CLDN2: variants seen among roughly 807,000 people sequenced by gnomAD.
The protein encoded by CLDN2 is claudin 2, also known as claudin-2.
A neutral mutation model predicts 8.2 loss-of-function variants in CLDN2; 1 was observed. That is an observed-to-expected ratio of 0.12 (90% CI 0.04 to 0.58). CLDN2 has a LOEUF of 0.58. Ranked by LOEUF, CLDN2 falls within the 20% of genes least tolerant of loss-of-function variation. The probability of loss-of-function intolerance (pLI) is 0.90; values close to 1 mark genes in which losing one functional copy is unlikely to be tolerated. For synonymous variants in CLDN2, 70 were observed against 70.2 expected (o/e 1.00, Z 0.01); for missense variants, 108 against 172.9 (o/e 0.62, Z 2.11).
chrX:106,902,655 G>A (rs151057344), intron 1 of CLDN2, among the ~76,000 whole-genome samples: 385 of 112,102 alleles, frequency 3.4e-3, no homozygotes, highest in African/African-American at 0.012. Context: ...GAAGAAGAGG[G>A]CCAGAAATGT....
At chrX:106,915,042 C>T (rs767541009), upstream of CLDN2, among the ~76,000 whole-genome samples, 10 of 112,127 alleles carry the variant, frequency 8.9e-5, no homozygotes, top group African/African-American at 2.9e-4. Context: ...CAACTCCTGG[C>T]AACCACTAAT....
At chrX:106,910,244 C>T (rs922278984) in intron 1 of CLDN2, among the ~76,000 whole-genome samples, 4 of 111,507 alleles carry the variant, frequency 3.6e-5, no homozygotes, top group Non-Finnish European at 7.5e-5. Context: ...AGCTATCTTC[C>T]TGGGATGTGG....
intron 1 of CLDN2, among the ~76,000 whole-genome samples, chrX:106,906,712 G>A (rs1933183791): frequency 9.0e-6 from 1 of 111,085 alleles, no homozygotes; most frequent in South Asian, 3.9e-4. Flanking sequence ...TAATCCCTTT[G>A]CCTGGGCCTT....
chrX:106,923,362 G>A (rs1441518534), intron 1 of CLDN2, among the ~76,000 whole-genome samples: 2 of 112,304 alleles, frequency 1.8e-5, no homozygotes, highest in Non-Finnish European at 3.8e-5. Context: ...CTACTGGGTA[G>A]GTAATTCATT....
chrX:106,906,417 C>T (rs1368346096), intron 1 of CLDN2, among the ~76,000 whole-genome samples: 8 of 111,439 alleles, frequency 7.2e-5, no homozygotes, highest in Non-Finnish European at 1.9e-5. Flanking sequence ...CAGCGCCCCT[C>T]AGTCATCCTT....
intron 1 of CLDN2, among the ~76,000 whole-genome samples, chrX:106,904,699 A>G (rs1421578347): frequency 1.8e-5 from 2 of 112,446 alleles, no homozygotes; most frequent in Middle Eastern, 4.2e-3. Context: ...AGCAAAGGAA[A>G]ATTGAAAACA....
At chrX:106,921,702 G>A (rs766307176) in intron 1 of CLDN2, among the ~76,000 whole-genome samples, 15 of 112,041 alleles carry the variant, frequency 1.3e-4, no homozygotes, top group African/African-American at 4.2e-4. Context: ...CAGGAGCTGC[G>A]GTCAATCTTG....
upstream of CLDN2, among the ~76,000 whole-genome samples, chrX:106,919,007 G>A (rs1933351782): frequency 8.9e-6 from 1 of 112,135 alleles, no homozygotes; most frequent in East Asian, 2.8e-4. Flanking sequence ...AAAGATGCTG[G>A]GTTATAGTGA....
rs768917467 is a variant in CLDN2 at position 106,928,104 on chromosome X, G to A, written c.-125G>A. ...TGTGGCCACCCACAGACACTTGTAA[G>A]GAGGAGAGAAGTCAGCCTGGCAGAG... On this transcript the variant is annotated 5_prime_UTR_variant, in exon 2 of 2. Coordinates refer to ENST00000336803, the MANE Select transcript of CLDN2 (RefSeq NM_020384.4). 6 of 504,821 alleles carry A rather than the reference G, an allele frequency of 1.2e-5. No homozygotes were observed. The East Asian group carries it at 1.8e-4, about 15-fold the overall frequency. 41.6% of individuals were successfully genotyped at this position (504,821 alleles called of 1,213,427 possible).
intron 1 of CLDN2, among the ~76,000 whole-genome samples, chrX:106,904,294 G>A (rs1381102132): frequency 8.9e-6 from 1 of 112,983 alleles, no homozygotes; most frequent in African/African-American, 3.2e-5. Flanking sequence ...AGCCTTCTGG[G>A]CCTTTGCCAG....
At chrX:106,915,657 T>C (rs1007630653), upstream of CLDN2, among the ~76,000 whole-genome samples, 3 of 111,563 alleles carry the variant, frequency 2.7e-5, no homozygotes, top group Admixed American at 1.9e-4. Context: ...TGTGCATTAG[T>C]GCTTAGGAAG....
chrX:106,904,971 C>T (rs1387247370), intron 1 of CLDN2, among the ~76,000 whole-genome samples: 1 of 111,745 alleles, frequency 8.9e-6, no homozygotes, highest in East Asian at 2.8e-4. Context: ...TGGATTTTTA[C>T]TTTATGTTTT....
upstream of CLDN2, among the ~76,000 whole-genome samples, chrX:106,914,066 C>A (rs1378732349): frequency 1.9e-5 from 2 of 106,471 alleles, no homozygotes; most frequent in African/African-American, 6.9e-5. Flanking sequence ...GATTCTCCTG[C>A]CTCAGGCTCC....
chrX:106,903,609 G>A (rs1470293484), intron 1 of CLDN2, among the ~76,000 whole-genome samples: 1 of 112,172 alleles, frequency 8.9e-6, no homozygotes, highest in Non-Finnish European at 1.9e-5. Context: ...TCCCCAGGGA[G>A]TAGCAAGGCC....
intron 1 of CLDN2, chrX:106,900,811 C>G: frequency 1.7e-6 from 2 of 1,211,445 alleles, no homozygotes; most frequent in Non-Finnish European, 2.2e-6. Context: ...TCTGAGTCCT[C>G]GTATAGGTTG....
At chrX:106,919,508 G>A (rs1189759451), upstream of CLDN2, among the ~76,000 whole-genome samples, 2 of 110,767 alleles carry the variant, frequency 1.8e-5, no homozygotes, top group Non-Finnish European at 3.8e-5. Context: ...TTTTGAGATG[G>A]AGTCTCACTC....
rs200487665 is a variant in CLDN2, at chrX:106,901,485, A to T, written c.-179+981A>T. ...TGCCAGAAGCTTACCTGACAGGGTG[A>T]TGGAACTTGGATTCAGCCTTGGTGA... On this transcript the variant is annotated intron_variant, in intron 1 of 1. Coordinates refer to the CLDN2 transcript ENST00000541806. 2 of 1,209,609 alleles carry T rather than the reference A, an allele frequency of 1.7e-6. No individual in the cohort carries two copies. Among genetic ancestry groups the T allele is most frequent in the East Asian group, 5.9e-5 (2 of 33,748 alleles).
chrX:106,915,248 G>T (rs966527724), upstream of CLDN2, among the ~76,000 whole-genome samples: 1 of 111,826 alleles, frequency 8.9e-6, no homozygotes, highest in East Asian at 2.8e-4. Context: ...CAGTTTATTC[G>T]TTCACTAGTT....
intron 1 of CLDN2, among the ~76,000 whole-genome samples, chrX:106,903,545 C>G (rs1408418738): frequency 9.0e-6 from 1 of 111,426 alleles, no homozygotes; most frequent in Non-Finnish European, 1.9e-5. Context: ...TGCTTTGCCT[C>G]CAAGTCAGAA....
Sources: gnomAD v4.1 joint callset for allele counts (sites outside exome capture counted in the v4.1 genomes callset) on GRCh38, gnomAD v4.1.1 for gene constraint, MANE v1.5 for transcripts, NCBI Gene and HGNC (gene_info 2026-07-23, HGNC 2026-07-21) for gene names.